GPD1L: variants seen among roughly 807,000 people sequenced by gnomAD.
GPD1L encodes the protein glycerol-3-phosphate dehydrogenase 1 like, also known as glycerol-3-phosphate dehydrogenase 1-like protein.
In GPD1L, 17 loss-of-function variants were observed where a neutral mutation model predicts 32.9. The ratio of observed to expected loss-of-function variants is 0.52; its 90% CI spans 0.35 to 0.78. The LOEUF (loss-of-function observed/expected upper bound fraction) is 0.78. GPD1L is among the 30% of genes least tolerant of loss of function. GPD1L has a pLI of 0.01. For missense variants in GPD1L, 361 were observed against 447.8 expected (o/e 0.81, Z 1.75); for synonymous variants, 187 against 165.9 (o/e 1.13, Z -0.98).
rs982032239 is a variant in GPD1L, at chr3:32,162,409, C to T, written c.959+2735C>T. Among the ~76,000 whole-genome samples the T allele has an allele frequency of 1.2e-4, 7 of 57,444 alleles. 2 individuals carry two copies. Among genetic ancestry groups the T allele is most frequent in the Non-Finnish European group, 1.5e-4 (5 of 33,248 alleles). The allele number at this position is 57,444 out of a possible 152,430, so 37.7% of individuals were successfully genotyped here. ...TCTTTTTTTTTTTGAGACGGAGTCT[C>T]GCTCTGTCGCCCAGGCCGGACTGCG... is the stretch of plus-strand genomic sequence containing the variant. On this transcript the variant is annotated intron_variant, in intron 7 of 7. Coordinates refer to ENST00000282541, the MANE Select transcript of GPD1L (RefSeq NM_015141.4).
At chr3:32,129,084 T>C (rs1034988361) in intron 2 of GPD1L, among the ~76,000 whole-genome samples, 2 of 152,208 alleles carry the variant, frequency 1.3e-5, no homozygotes, top group Admixed American at 6.5e-5. Context: ...CTGCTGCTTG[T>C]CTGAGTGGAA....
chr3:32,122,671 C>T (rs1198671612), intron 1 of GPD1L, among the ~76,000 whole-genome samples: 1 of 152,144 alleles, frequency 6.6e-6, no homozygotes, highest in Non-Finnish European at 1.5e-5. Context: ...CGGGGGCCTT[C>T]CTTCTGCCTG....
chr3:32,155,038 T>C (rs79982902), intron 5 of GPD1L, among the ~76,000 whole-genome samples: 3,904 of 152,306 alleles, frequency 0.026, 165 homozygotes, highest in African/African-American at 0.088. Context: ...CAACCTAAGC[T>C]ACCGTTTTTA....
intron 1 of GPD1L, among the ~76,000 whole-genome samples, chr3:32,115,394 A>G (rs1457442654): frequency 6.6e-6 from 1 of 152,226 alleles, no homozygotes; most frequent in Non-Finnish European, 1.5e-5. Flanking sequence ...TACTTTAGCT[A>G]GGCAGAAAAG....
Position 32,106,622 on chromosome 3 carries a change from C to T in GPD1L, c.-90C>T, listed in dbSNP as rs1040766011. The T allele has an allele frequency of 5.9e-5, 76 of 1,294,096 alleles. No homozygotes were observed. The highest frequency in any genetic ancestry group is 7.2e-5 in the Non-Finnish European group (71 of 990,658). The allele number at this position is 1,294,096 out of a possible 1,614,324, so 80.2% of individuals were successfully genotyped here. A position where few individuals can be genotyped will look rare whatever the true frequency, so the allele number is the denominator to read the frequency against. Reference sequence around the variant, plus strand: ...GGCGGAGAGGCGAAAGGGGCGGGGCCGCCGCCAGCCGCTGCGGGCAAGGCT... The same window carrying T: ...GGCGGAGAGGCGAAAGGGGCGGGGCTGCCGCCAGCCGCTGCGGGCAAGGCT... On this transcript the variant is annotated 5_prime_UTR_variant, in exon 1 of 8. Transcript: ENST00000282541. The surrounding 1 kb of genome is among the most constrained non-coding windows in gnomAD (Gnocchi z 4.0).
At position 32,163,421 on chromosome 3, in the gene GPD1L, A is replaced by G. The variant is rs553290712; in HGVS notation, c.960-2393A>G. Among the ~76,000 whole-genome samples the G allele has an allele frequency of 6.6e-5, 10 of 150,840 alleles. No homozygotes were observed. In the South Asian group the frequency reaches 1.0e-3, roughly 16 times the overall value. ...CTGACCTCGTGATCCACCTGCCTCA[A>G]CCTCCCAAAGTGCTGAGATTACAGG... On this transcript the variant is annotated intron_variant, in intron 7 of 7. Transcript: ENST00000282541.
intron 1 of GPD1L, among the ~76,000 whole-genome samples, chr3:32,127,063 A>T (rs1559572643): frequency 6.6e-6 from 1 of 152,238 alleles, no homozygotes; most frequent in African/African-American, 2.4e-5. Context: ...AGAATAACAG[A>T]TTCATCCAGG....
chr3:32,155,704 C>G (rs1700979000), intron 5 of GPD1L, among the ~76,000 whole-genome samples: 1 of 152,206 alleles, frequency 6.6e-6, no homozygotes, highest in African/African-American at 2.4e-5. Flanking sequence ...AGGTGTCAAT[C>G]TGTTGCCCCA....
rs12637969 is a variant in GPD1L at position 32,139,911 on chromosome 3, A to G, written c.367-317A>G. Among the ~76,000 whole-genome samples the G allele has an allele frequency of 0.3, 45,436 of 152,048 alleles. 7,553 individuals carry two copies. Among genetic ancestry groups the G allele is most frequent in the East Asian group, 0.63 (3,261 of 5,154 alleles). On this transcript the variant is annotated intron_variant, in intron 3 of 7. Transcript: ENST00000282541. ...TCCGATGTGGTAAAATAGTCAAGAA[A>G]AGCAAGGGAGCAATGCATACAGCAT...
At chr3:32,160,894 AT>A (rs1260787100) in intron 7 of GPD1L, among the ~76,000 whole-genome samples, 13 of 151,610 alleles carry the variant, frequency 8.6e-5, no homozygotes, top group African/African-American at 3.2e-4. Flanking sequence ...ACACCACTGC[AT>A]AAATGCTTAT....
chr3:32,126,984 G>T (rs1050911056), intron 1 of GPD1L, among the ~76,000 whole-genome samples: 2 of 152,146 alleles, frequency 1.3e-5, no homozygotes, highest in Non-Finnish European at 2.9e-5. Context: ...TAATCTGTTA[G>T]AATTACTTGA....
intron 7 of GPD1L, among the ~76,000 whole-genome samples, chr3:32,164,972 G>A (rs192744326): frequency 2.4e-4 from 36 of 152,248 alleles, no homozygotes; most frequent in African/African-American, 8.4e-4. Flanking sequence ...TTGGGAGGCC[G>A]AGGTGGGTGG....
chr3:32,143,902 A>G (rs1700784154), intron 4 of GPD1L, among the ~76,000 whole-genome samples: 1 of 152,138 alleles, frequency 6.6e-6, no homozygotes, highest in Non-Finnish European at 1.5e-5. Context: ...GGATTGCTTC[A>G]GCGTGGGAGG....
intron 1 of GPD1L, among the ~76,000 whole-genome samples, chr3:32,112,645 T>C (rs35592924): frequency 6.6e-6 from 1 of 151,774 alleles, no homozygotes; most frequent in Non-Finnish European, 1.5e-5. Flanking sequence ...CTCAAAAAAA[T>C]ATATATAATA....
chr3:32,112,823 T>C (rs1022448165), intron 1 of GPD1L, among the ~76,000 whole-genome samples: 1 of 152,176 alleles, frequency 6.6e-6, no homozygotes, highest in Non-Finnish European at 1.5e-5. Flanking sequence ...ATGTACATGA[T>C]GTTATTTCGT....
At chr3:32,121,519 C>A (rs28406868) in intron 1 of GPD1L, among the ~76,000 whole-genome samples, 4,241 of 40,404 alleles carry the variant, frequency 0.1, 914 homozygotes, top group African/African-American at 0.36. Flanking sequence ...ATATATTTCT[C>A]TCTATATATA....
chr3:32,157,202 C>T (rs950485342), intron 5 of GPD1L, among the ~76,000 whole-genome samples: 8 of 151,468 alleles, frequency 5.3e-5, no homozygotes, highest in East Asian at 3.9e-4. Flanking sequence ...CTGCTGTGAA[C>T]GGAAGCTTGT....
chr3:32,130,148 G>C (rs757397306), intron 2 of GPD1L, among the ~76,000 whole-genome samples: 2 of 152,046 alleles, frequency 1.3e-5, no homozygotes, highest in Non-Finnish European at 2.9e-5. Context: ...AGGGAGAGTG[G>C]GAGGGAAGGA....
chr3:32,135,871 G>A (rs1396669147), intron 2 of GPD1L, among the ~76,000 whole-genome samples: 1 of 152,134 alleles, frequency 6.6e-6, no homozygotes. Context: ...TTCACCACTT[G>A]TGGACTACCT....
Sources: gnomAD v4.1 joint callset for allele counts (sites outside exome capture counted in the v4.1 genomes callset) on GRCh38, gnomAD v4.1.1 for gene constraint, Gnocchi (gnomAD v3.1) non-coding constraint, MANE v1.5 for transcripts, NCBI Gene and HGNC (gene_info 2026-07-23, HGNC 2026-07-21) for gene names.